Variants in EYS observed in about 807,000 individuals in gnomAD.
EYS encodes the protein protein eyes shut homolog.
EYS carries 250 observed loss-of-function variants against 282.1 expected under a neutral mutation model. That is an observed-to-expected ratio of 0.89 (90% confidence interval 0.80 to 0.98). The LOEUF is 0.98. Ranked by LOEUF, EYS falls within the 50% of genes least tolerant of loss-of-function variation. The pLI is 0.00. For synonymous variants in EYS, 1,355 were observed against 1,282.9 expected (o/e 1.06, Z -1.20); for missense variants, 4,016 against 3,709.0 (o/e 1.08, Z -2.15).
intron 28 of EYS, among the ~76,000 whole-genome samples, chr6:64,390,342 C>G (rs1036071447): frequency 1.3e-5 from 2 of 152,190 alleles, no homozygotes; most frequent in Non-Finnish European, 2.9e-5. Flanking sequence ...AACAAAAAGA[C>G]AGCAGTAACC....
chr6:65,243,583 T>G (rs1767107084), intron 12 of EYS, among the ~76,000 whole-genome samples: 1 of 152,166 alleles, frequency 6.6e-6, no homozygotes, highest in African/African-American at 2.4e-5. Context: ...TGTATGCCAT[T>G]TAAGACAATG....
intron 35 of EYS, among the ~76,000 whole-genome samples, chr6:63,898,484 C>T (rs1773588074): frequency 7.2e-6 from 1 of 139,828 alleles, no homozygotes; most frequent in Non-Finnish European, 1.5e-5. Context: ...GAGCGAGATT[C>T]CATCTCAAAA....
chr6:64,643,101 G>A (rs959357495), intron 22 of EYS, among the ~76,000 whole-genome samples: 1 of 132,608 alleles, frequency 7.5e-6, no homozygotes, highest in African/African-American at 2.8e-5. Flanking sequence ...GGCAACAAGA[G>A]TGAAACTCCA....
At chr6:64,141,229 A>G (rs544870512) in intron 31 of EYS, among the ~76,000 whole-genome samples, 2 of 152,300 alleles carry the variant, frequency 1.3e-5, no homozygotes, top group Non-Finnish European at 2.9e-5. Context: ...TTCTTCACAT[A>G]TAGATATATG....
chr6:64,668,692 G>A (rs1227204664), intron 22 of EYS, among the ~76,000 whole-genome samples: 2 of 151,296 alleles, frequency 1.3e-5, no homozygotes, highest in Non-Finnish European at 2.9e-5. Flanking sequence ...AGCCTCCCAA[G>A]TAGCTGGGAC....
chr6:64,478,893 A>G (rs1455159976), intron 26 of EYS, among the ~76,000 whole-genome samples: 2 of 151,710 alleles, frequency 1.3e-5, no homozygotes, highest in African/African-American at 2.4e-5. Flanking sequence ...AGTCTATTTT[A>G]TTTTTTCAGG....
chr6:65,365,981 G>C (rs1412711855), intron 8 of EYS, among the ~76,000 whole-genome samples: 2 of 151,704 alleles, frequency 1.3e-5, no homozygotes, highest in African/African-American at 4.8e-5. Context: ...GAATCATGTA[G>C]ATACCAATTT....
chr6:63,941,367 A>C (rs999998388), intron 35 of EYS, among the ~76,000 whole-genome samples: 1 of 152,126 alleles, frequency 6.6e-6, no homozygotes, highest in Non-Finnish European at 1.5e-5. Flanking sequence ...CTTTTTAATG[A>C]TCAGCATTCT....
chr6:65,224,189 T>G (rs1023000958), intron 12 of EYS, among the ~76,000 whole-genome samples: 2 of 151,892 alleles, frequency 1.3e-5, no homozygotes, highest in Non-Finnish European at 2.9e-5. Flanking sequence ...TCTCAAAATA[T>G]TAAAAAAATT....
intron 36 of EYS, among the ~76,000 whole-genome samples, chr6:63,823,569 A>G (rs1388434134): frequency 2.0e-5 from 3 of 152,158 alleles, no homozygotes; most frequent in Non-Finnish European, 4.4e-5. Context: ...ATCTATGATT[A>G]TGCCACATTC....
At chr6:64,400,510 G>T (rs867550302) in intron 28 of EYS, 1 of 151,968 alleles carries the variant, frequency 6.6e-6, no homozygotes. Flanking sequence ...CATCTAGCAG[G>T]TTGTTATTTT....
chr6:64,512,033 C>G (rs1372185176), intron 26 of EYS, among the ~76,000 whole-genome samples: 1 of 151,994 alleles, frequency 6.6e-6, no homozygotes, highest in African/African-American at 2.4e-5. Flanking sequence ...ACCTCTTCAG[C>G]TTTTTCCCTC....
chr6:65,367,980 T>A (rs1764978359), intron 8 of EYS, among the ~76,000 whole-genome samples: 1 of 151,626 alleles, frequency 6.6e-6, no homozygotes, highest in Non-Finnish European at 1.5e-5. Context: ...GGGATAGAGA[T>A]TTAATTGCCT....
chr6:64,304,891 T>C (rs1769379190), intron 30 of EYS, among the ~76,000 whole-genome samples: 2 of 152,158 alleles, frequency 1.3e-5, no homozygotes, highest in Admixed American at 1.3e-4. Context: ...GGGAAATTCA[T>C]AGCCATTAAT....
At chr6:64,887,316 A>G (rs961002829) in intron 18 of EYS, among the ~76,000 whole-genome samples, 1 of 151,174 alleles carries the variant, frequency 6.6e-6, no homozygotes, top group Non-Finnish European at 1.5e-5. Context: ...GCATTGGGAG[A>G]GATACCTAAT....
At chr6:64,009,647 C>T (rs923918916) in intron 33 of EYS, among the ~76,000 whole-genome samples, 1 of 152,072 alleles carries the variant, frequency 6.6e-6, no homozygotes, top group Non-Finnish European at 1.5e-5. Flanking sequence ...TATTGTACTC[C>T]TTAGATTCTT....
chr6:64,846,996 A>T (rs888202244), intron 19 of EYS, among the ~76,000 whole-genome samples: 1 of 132,964 alleles, frequency 7.5e-6, no homozygotes, highest in Non-Finnish European at 1.7e-5. Context: ...TGAGTAAAGC[A>T]TATTATCCTC....
At chr6:65,320,204 T>C (rs1466152053) in intron 11 of EYS, among the ~76,000 whole-genome samples, 1 of 146,694 alleles carries the variant, frequency 6.8e-6, no homozygotes, top group African/African-American at 2.5e-5. Context: ...CTGAAGGGAC[T>C]GAAGTCAAGA....
intron 18 of EYS, among the ~76,000 whole-genome samples, chr6:64,889,225 C>T (rs918266745): frequency 1.4e-4 from 22 of 151,990 alleles, no homozygotes; most frequent in Admixed American, 5.9e-4. Context: ...GTCTTTTGCT[C>T]CCCAAATTTT....
Sources: allele counts gnomAD v4.1 joint callset (sites outside exome capture counted in the v4.1 genomes callset), GRCh38; gene constraint gnomAD v4.1.1; transcripts MANE v1.5; gene names NCBI Gene and HGNC (gene_info 2026-07-23, HGNC 2026-07-21).